The following KCNIP4 variants were observed in gnomAD, a reference collection of about 807,000 sequenced individuals.
KCNIP4 encodes the protein Kv channel-interacting protein 4.
A neutral mutation model predicts 34.0 loss-of-function variants in KCNIP4; 12 were observed. The ratio of observed to expected loss-of-function variants is 0.35; its 90% CI spans 0.23 to 0.57. The LOEUF (loss-of-function observed/expected upper bound fraction) is 0.57, where lower values mean the gene tolerates loss of function less well. KCNIP4 is among the 20% of genes least tolerant of loss of function. KCNIP4 has a pLI of 0.83. For missense variants in KCNIP4, 238 were observed against 311.7 expected (o/e 0.76, Z 1.78); for synonymous variants, 124 against 102.2 (o/e 1.21, Z -1.29).
intron 3 of KCNIP4, among the ~76,000 whole-genome samples, chr4:20,775,656 C>T (rs1377501196): frequency 6.6e-6 from 1 of 151,980 alleles, no homozygotes; most frequent in Non-Finnish European, 1.5e-5. Context: ...CTGCAGTGAG[C>T]TATGATTGCT....
chr4:21,940,863 T>C (rs925776216), intron 1 of KCNIP4, among the ~76,000 whole-genome samples: 2 of 152,158 alleles, frequency 1.3e-5, no homozygotes, highest in Non-Finnish European at 1.5e-5. Flanking sequence ...AGTTTTTTTT[T>C]CTCAAATTCC....
At chr4:20,750,834 T>C (rs1404842022) in intron 4 of KCNIP4, among the ~76,000 whole-genome samples, 1 of 152,242 alleles carries the variant, frequency 6.6e-6, no homozygotes, top group Non-Finnish European at 1.5e-5. Context: ...CTCTAGCCTT[T>C]TATCTTCTGT....
chr4:21,137,324 T>G (rs1019224875), intron 1 of KCNIP4, among the ~76,000 whole-genome samples: 3 of 152,174 alleles, frequency 2.0e-5, no homozygotes, highest in Admixed American at 2.0e-4. Flanking sequence ...ATGAAGAAGA[T>G]GTGGAACAGA....
chr4:21,370,828 TATATATATATATATATATATATAC>T (rs1172873221), intron 1 of KCNIP4, among the ~76,000 whole-genome samples: 9 of 32,452 alleles, frequency 2.8e-4, no homozygotes, highest in East Asian at 2.0e-3. Context: ...TATATATATA[TATATATATATATATATATATATAC>T]ACACACACAC....
At chr4:21,860,281 G>A (rs1201579291) in intron 1 of KCNIP4, among the ~76,000 whole-genome samples, 2 of 152,014 alleles carry the variant, frequency 1.3e-5, no homozygotes, top group Admixed American at 6.6e-5. Context: ...TTACAGGCAT[G>A]TGCCACCACA....
chr4:21,533,981 T>A (rs563956550), intron 1 of KCNIP4, among the ~76,000 whole-genome samples: 3 of 152,270 alleles, frequency 2.0e-5, no homozygotes, highest in African/African-American at 4.8e-5. Context: ...AACAGTAGGG[T>A]AGAGTAGTAC....
At chr4:21,791,476 G>A (rs1021877003) in intron 1 of KCNIP4, among the ~76,000 whole-genome samples, 2 of 152,120 alleles carry the variant, frequency 1.3e-5, no homozygotes, top group African/African-American at 4.8e-5. Context: ...AGAAAAGGAG[G>A]AAGAATGGGA....
intron 1 of KCNIP4, among the ~76,000 whole-genome samples, chr4:20,923,579 T>C (rs1729613127): frequency 6.6e-6 from 1 of 152,180 alleles, no homozygotes; most frequent in South Asian, 2.1e-4. Flanking sequence ...CAGAATAATA[T>C]TTTGAATGAA....
chr4:20,754,584 A>T (rs1345586471), intron 4 of KCNIP4, among the ~76,000 whole-genome samples: 1 of 152,248 alleles, frequency 6.6e-6, no homozygotes, highest in African/African-American at 2.4e-5. Context: ...AAAGCAAATC[A>T]TAATTCTTTA....
intron 1 of KCNIP4, among the ~76,000 whole-genome samples, chr4:21,179,299 G>C (rs114445674): frequency 0.019 from 2,896 of 152,052 alleles, 58 homozygotes; most frequent in Non-Finnish European, 0.026. Flanking sequence ...GCTCACTCTG[G>C]TTCATTTCCC....
At chr4:21,240,300 A>G (rs1281865591) in intron 1 of KCNIP4, among the ~76,000 whole-genome samples, 1 of 148,130 alleles carries the variant, frequency 6.8e-6, no homozygotes, top group East Asian at 2.0e-4. Context: ...GGTGCAGCAC[A>G]CCAACATGGC....
chr4:20,761,540 A>T (rs970542904), intron 3 of KCNIP4, among the ~76,000 whole-genome samples: 2 of 152,320 alleles, frequency 1.3e-5, no homozygotes, highest in Admixed American at 6.5e-5. Flanking sequence ...TTGGGATAGT[A>T]AGGAGAGAGT....
At chr4:21,622,456 T>C (rs530844765) in intron 1 of KCNIP4, among the ~76,000 whole-genome samples, 1 of 152,288 alleles carries the variant, frequency 6.6e-6, no homozygotes, top group Admixed American at 6.5e-5. Context: ...AATCTCTTAT[T>C]CCCCAGAGTA....
At chr4:21,719,617 C>A (rs557561112) in intron 1 of KCNIP4, among the ~76,000 whole-genome samples, 1 of 152,134 alleles carries the variant, frequency 6.6e-6, no homozygotes, top group African/African-American at 2.4e-5. Flanking sequence ...AGTACTGAAC[C>A]ATCACCTCTC....
At chr4:21,046,910 T>C (rs1482286864) in intron 1 of KCNIP4, among the ~76,000 whole-genome samples, 2 of 152,220 alleles carry the variant, frequency 1.3e-5, no homozygotes, top group East Asian at 1.9e-4. Flanking sequence ...AGCTAATTTA[T>C]ATACTTTTAT....
At chr4:20,897,806 G>C (rs1318040486) in intron 1 of KCNIP4, among the ~76,000 whole-genome samples, 1 of 152,200 alleles carries the variant, frequency 6.6e-6, no homozygotes, top group Non-Finnish European at 1.5e-5. Context: ...TGGATGTCCA[G>C]CCTCCAGAAC....
At chr4:21,845,730 C>T (rs1723975636) in intron 1 of KCNIP4, 1 of 152,040 alleles carries the variant, frequency 6.6e-6, no homozygotes, top group Non-Finnish European at 1.5e-5. Context: ...CACTAACTGC[C>T]TAAGTTAGTT....
At chr4:21,116,675 T>C (rs902949806) in intron 1 of KCNIP4, among the ~76,000 whole-genome samples, 18 of 152,220 alleles carry the variant, frequency 1.2e-4, no homozygotes, top group African/African-American at 3.9e-4. Context: ...TTATTCCTTG[T>C]TGGGCAAAAC....
At chr4:21,833,448 T>C (rs1723119914) in intron 1 of KCNIP4, among the ~76,000 whole-genome samples, 1 of 152,178 alleles carries the variant, frequency 6.6e-6, no homozygotes, top group Non-Finnish European at 1.5e-5. Context: ...GTTTGTTTTT[T>C]TCTTGTAAAT....
Sources: gnomAD v4.1 joint callset for allele counts (sites outside exome capture counted in the v4.1 genomes callset) on GRCh38, gnomAD v4.1.1 for gene constraint, MANE v1.5 for transcripts, NCBI Gene and HGNC (gene_info 2026-07-23, HGNC 2026-07-21) for gene names.